The following KCNN1 variants were observed in gnomAD, a reference collection of about 807,000 sequenced individuals.
The protein encoded by KCNN1 is potassium calcium-activated channel subfamily N member 1, also known as small conductance calcium-activated potassium channel protein 1.
In KCNN1, 20 loss-of-function variants were observed where a neutral mutation model predicts 44.7. The observed-to-expected ratio is 0.45, with a 90% CI of 0.32 to 0.65. KCNN1 has a LOEUF of 0.65. Ranked by LOEUF, KCNN1 falls within the 30% of genes least tolerant of loss-of-function variation. The probability of loss-of-function intolerance (pLI) is 0.05; values close to 1 mark genes in which losing one functional copy is unlikely to be tolerated. For synonymous variants in KCNN1, 324 were observed against 341.7 expected (o/e 0.95, Z 0.57); for missense variants, 632 against 785.3 (o/e 0.80, Z 2.33).
At chr19:17,958,371 AG>A (rs1366977954) in intron 2 of KCNN1, among the ~76,000 whole-genome samples, 1 of 151,856 alleles carries the variant, frequency 6.6e-6, no homozygotes, top group African/African-American at 2.4e-5. Flanking sequence ...CCAGCTACTC[AG>A]GAGGCTGAGG....
At chr19:17,969,882 C>T (rs985717216) in intron 1 of KCNN1, among the ~76,000 whole-genome samples, 1 of 152,220 alleles carries the variant, frequency 6.6e-6, no homozygotes, top group Non-Finnish European at 1.5e-5. Context: ...TGTGTGCACC[C>T]TAGTGCAAGC....
chr19:17,971,157 T>G (rs2032008226), intron 1 of KCNN1, among the ~76,000 whole-genome samples: 1 of 152,136 alleles, frequency 6.6e-6, no homozygotes. Context: ...GTGCTGGGAT[T>G]ACAGGCGTGA....
chr19:17,983,597 G>A lies in KCNN1; in HGVS notation c.917+1470G>A, dbSNP rs1448411934. Reference sequence around the variant, plus strand: ...CTGGGTCCTTGCAGGGCTCTGGGGGGGTGGGGCACGGGGCAGGGCCGGCAG... The same window carrying A: ...CTGGGTCCTTGCAGGGCTCTGGGGGAGTGGGGCACGGGGCAGGGCCGGCAG... On this transcript the variant is annotated intron_variant, in intron 4 of 9. Transcript: ENST00000684775. This position sits in a 1 kb window ranked among gnomAD's most constrained non-coding sequence, Gnocchi z 4.5. Among the ~76,000 whole-genome samples, 6 of 152,146 alleles carry A rather than the reference G, an allele frequency of 3.9e-5. No individual in the cohort carries two copies. The highest frequency in any genetic ancestry group is 3.9e-4 in the Admixed American group (6 of 15,280).
intron 3 of KCNN1, among the ~76,000 whole-genome samples, chr19:17,976,966 C>T (rs2032228554): frequency 1.3e-5 from 2 of 152,086 alleles, no homozygotes; most frequent in African/African-American, 2.4e-5. Context: ...ATCCTCCCAC[C>T]TTGGCCTCCC....
chr19:17,997,313 C>A lies in KCNN1; in HGVS notation c.1378-839C>A, dbSNP rs1373476014. 2.0e-5 allele frequency among the ~76,000 whole-genome samples: 3 copies of A among 152,276 alleles called. No homozygotes were observed. The East Asian group carries it at 5.8e-4, about 29-fold the overall frequency. Reference sequence around the variant, plus strand: ...CTTCCTAGGCAGCCATGTCCCCACGCTCCTGCTGTTCCCCAGCCTGGAGCA... The same window carrying A: ...CTTCCTAGGCAGCCATGTCCCCACGATCCTGCTGTTCCCCAGCCTGGAGCA... On this transcript the variant is annotated intron_variant, in intron 9 of 9. Coordinates refer to ENST00000684775, the MANE Select transcript of KCNN1 (RefSeq NM_001386974.1).
chr19:17,991,807 C>G lies in KCNN1; in HGVS notation c.1299-1247C>G, dbSNP rs556698141. 5.9e-5 allele frequency among the ~76,000 whole-genome samples: 9 copies of G among 152,242 alleles called. 1 individual carries two copies. The South Asian group carries it at 1.9e-3, about 32-fold the overall frequency. On this transcript the variant is annotated intron_variant, in intron 7 of 9. Coordinates refer to ENST00000684775, the MANE Select transcript of KCNN1 (RefSeq NM_001386974.1). ...TGGTAAATCTTTCAGGTTTTATGGG[C>G]CAGACCGTTTCTGTCCCACTCTTCA...
intron 3 of KCNN1, among the ~76,000 whole-genome samples, chr19:17,977,305 A>G (rs2032238229): frequency 3.3e-5 from 5 of 151,302 alleles, no homozygotes; most frequent in Admixed American, 2.6e-4. Context: ...TAAGAACACC[A>G]GTCATTATTG....
At chr19:17,964,034 G>T (rs1837791222), upstream of KCNN1, among the ~76,000 whole-genome samples, 2 of 152,202 alleles carry the variant, frequency 1.3e-5, no homozygotes, top group Non-Finnish European at 2.9e-5. The surrounding 1 kb of genome is among the most constrained non-coding windows in gnomAD (Gnocchi z 4.3). Flanking sequence ...CTTCAAGAGG[G>T]GCACGGTTTG....
chr19:17,967,157 TGCC>T lies in KCNN1; in HGVS notation c.-232_-230del. 7 of 957,808 alleles carry T rather than the reference TGCC, an allele frequency of 7.3e-6. No homozygotes were observed. Among genetic ancestry groups the T allele is most frequent in the African/African-American group, 1.8e-5 (1 of 56,246 alleles). 59.3% of individuals were successfully genotyped at this position (957,808 alleles called of 1,614,324 possible). On this transcript the variant is annotated 5_prime_UTR_variant, in exon 1 of 10. Coordinates refer to ENST00000684775, the MANE Select transcript of KCNN1 (RefSeq NM_001386974.1). Reference sequence around the variant, plus strand: ...TGGACTGGGCGGCGGGGGATGCGCCTGCCGCCGCCGCCCCCGGCCCCGCCGCCC... The same window carrying T: ...TGGACTGGGCGGCGGGGGATGCGCCTGCCGCCGCCCCCGGCCCCGCCGCCC...
At chr19:17,967,789 G>C (rs1208720861) in intron 1 of KCNN1, among the ~76,000 whole-genome samples, 1 of 152,086 alleles carries the variant, frequency 6.6e-6, no homozygotes, top group Non-Finnish European at 1.5e-5. Flanking sequence ...TGCCCCTGCT[G>C]TTCTGGAGGG....
At chr19:17,953,296 C>T (rs1420655015) in intron 1 of KCNN1, among the ~76,000 whole-genome samples, 3 of 152,288 alleles carry the variant, frequency 2.0e-5, no homozygotes, top group Non-Finnish European at 4.4e-5. Context: ...TTTACTCCGA[C>T]GCAGCAACCC....
At chr19:17,985,556 G>C in intron 5 of KCNN1, 103 bp downstream of exon 5, 2 of 1,074,048 alleles carry the variant, frequency 1.9e-6, no homozygotes, top group Non-Finnish European at 2.6e-6. Flanking sequence ...ATCCCATCAC[G>C]AGCTGTGCCT....
upstream of KCNN1, among the ~76,000 whole-genome samples, chr19:17,965,143 TA>T (rs1346016521): frequency 3.9e-5 from 6 of 151,948 alleles, no homozygotes; most frequent in African/African-American, 1.2e-4. Context: ...TGCACGCCTG[TA>T]ATCCCAGCTA....
At chr19:17,994,704 C>T (rs557803509) in intron 9 of KCNN1, among the ~76,000 whole-genome samples, 16 of 152,182 alleles carry the variant, frequency 1.1e-4, no homozygotes, top group Admixed American at 8.5e-4. Context: ...CCAGCATGCC[C>T]GGCTAATTTT....
chr19:17,989,591 A>G (rs2032717492), intron 6 of KCNN1, 125 bp from the exon 7 acceptor site: 1 of 1,377,278 alleles, frequency 7.3e-7, no homozygotes, highest in African/African-American at 1.5e-5. Flanking sequence ...GCCCTGCCTT[A>G]TAGCCCAGGG....
At chr19:17,968,906 G>A (rs938240004) in intron 1 of KCNN1, among the ~76,000 whole-genome samples, 2 of 152,184 alleles carry the variant, frequency 1.3e-5, no homozygotes, top group Non-Finnish European at 2.9e-5. Context: ...TGTCCAGGCT[G>A]GTCTCGAGCT....
At chr19:17,989,901 C>G (rs955380845) in intron 7 of KCNN1, 58 bp downstream of exon 7, 2 of 1,609,756 alleles carry the variant, frequency 1.2e-6, no homozygotes, top group African/African-American at 2.7e-5. Context: ...GGAGGCAGCC[C>G]TCGCAGCTCT....
At chr19:17,968,357 C>A (rs1275584654) in intron 1 of KCNN1, among the ~76,000 whole-genome samples, 1 of 150,950 alleles carries the variant, frequency 6.6e-6, no homozygotes, top group Non-Finnish European at 1.5e-5. Context: ...GAAGCTCTTA[C>A]AGACTGCAAA....
chr19:17,986,548 G>C (rs557937871), intron 5 of KCNN1, among the ~76,000 whole-genome samples: 3 of 152,264 alleles, frequency 2.0e-5, no homozygotes, highest in African/African-American at 7.2e-5. Flanking sequence ...CACACTCACT[G>C]CTTTCTCTTT....
Sources: allele counts gnomAD v4.1 joint callset (sites outside exome capture counted in the v4.1 genomes callset), GRCh38; gene constraint gnomAD v4.1.1; non-coding constraint Gnocchi (gnomAD v3.1); transcripts MANE v1.5; gene names NCBI Gene and HGNC (gene_info 2026-07-23, HGNC 2026-07-21).